Variants in SHC4 observed in about 807,000 individuals in gnomAD.
SHC4 encodes the protein SHC adaptor protein 4.
SHC4 carries 41 observed loss-of-function variants against 69.4 expected under a neutral mutation model. The observed-to-expected ratio is 0.59, with a 90% CI of 0.46 to 0.77. SHC4 has a LOEUF of 0.77. Ranked by LOEUF, SHC4 falls within the 30% of genes least tolerant of loss-of-function variation. The pLI, the probability that SHC4 is intolerant of heterozygous loss-of-function variation, is 0.00. For missense variants in SHC4, 777 were observed against 783.8 expected (o/e 0.99, Z 0.10); for synonymous variants, 318 against 299.3 (o/e 1.06, Z -0.64).
At chr15:48,878,024 A>T in intron 4 of SHC4, 1 of 957,222 alleles carries the variant, frequency 1.0e-6, no homozygotes, top group Non-Finnish European at 1.5e-6. Context: ...TACTCCAACC[A>T]CAGTGGCGCG....
intron 4 of SHC4, among the ~76,000 whole-genome samples, chr15:48,872,476 C>T (rs1300036861): frequency 6.6e-6 from 1 of 152,150 alleles, no homozygotes; most frequent in African/African-American, 2.4e-5. Flanking sequence ...CTCTCTCTGC[C>T]ATTAAAAACT....
At chr15:48,915,540 T>C (rs764442420) in intron 2 of SHC4, among the ~76,000 whole-genome samples, 2 of 152,226 alleles carry the variant, frequency 1.3e-5, no homozygotes, top group Non-Finnish European at 2.9e-5. Flanking sequence ...CTTCCTGACA[T>C]CTGCACGTGT....
intron 1 of SHC4, among the ~76,000 whole-genome samples, chr15:48,932,191 A>G (rs1193923333): frequency 6.6e-6 from 1 of 152,144 alleles, no homozygotes; most frequent in African/African-American, 2.4e-5. Context: ...TCCCCCAATC[A>G]TTCTCACTTA....
intron 2 of SHC4, among the ~76,000 whole-genome samples, chr15:48,898,543 A>G (rs12907348): frequency 0.36 from 55,132 of 152,130 alleles, 11,368 homozygotes; most frequent in Middle Eastern, 0.55. Flanking sequence ...TCTAAAGTAC[A>G]TTTGCTAGCC....
chr15:48,878,034 G>C (rs905173982), intron 4 of SHC4: 1 of 1,059,794 alleles, frequency 9.4e-7, no homozygotes, highest in Non-Finnish European at 1.3e-6. Flanking sequence ...ACAGTGGCGC[G>C]CCAAGTAGGA....
chr15:48,949,807 A>G (rs1901335920), intron 1 of SHC4, among the ~76,000 whole-genome samples: 1 of 146,818 alleles, frequency 6.8e-6, no homozygotes. Flanking sequence ...ATAATTATAT[A>G]TAATTACAAA....
chr15:48,844,435 C>T (rs1053908955), intron 9 of SHC4, among the ~76,000 whole-genome samples: 2 of 152,188 alleles, frequency 1.3e-5, no homozygotes, highest in Admixed American at 1.3e-4. Context: ...TGGGGTCACA[C>T]TGGCCTTCCT....
At chr15:48,867,316 G>A (rs1391324578) in intron 6 of SHC4, among the ~76,000 whole-genome samples, 1 of 152,190 alleles carries the variant, frequency 6.6e-6, no homozygotes, top group African/African-American at 2.4e-5. Context: ...GAGACAGGAG[G>A]TGCTATCAAA....
chr15:48,839,310 A>G (rs1487553918), intron 10 of SHC4, among the ~76,000 whole-genome samples: 1 of 152,236 alleles, frequency 6.6e-6, no homozygotes, highest in African/African-American at 2.4e-5. Context: ...CTTCTAGTCC[A>G]TGGCTTTTGG....
In SHC4 at chr15:48,907,566, C is replaced by T. The variant is rs1489455248; in HGVS notation, c.657-16755G>A. Among the ~76,000 whole-genome samples the T allele has an allele frequency of 2.0e-5, 3 of 151,932 alleles. No homozygotes were observed. In the East Asian group the frequency reaches 5.8e-4, roughly 29 times the overall value. On this transcript the variant is annotated intron_variant, in intron 2 of 11. Coordinates refer to ENST00000332408, the MANE Select transcript of SHC4 (RefSeq NM_203349.4). ...GTCTTCTATCTCTCATCCCCTCCCT[C>T]CCTTCCCCCCGATTCCCCAAAGTCC... is the stretch of plus-strand genomic sequence containing the variant.
intron 3 of SHC4, among the ~76,000 whole-genome samples, chr15:48,884,880 A>C (rs1900006326): frequency 6.6e-6 from 1 of 152,186 alleles, no homozygotes. Context: ...ACCTTCAGAT[A>C]ATCATGATGC....
chr15:48,843,605 T>C lies in SHC4; in HGVS notation c.1304-17A>G. 1.3e-6 allele frequency: 2 copies of C among 1,587,878 alleles called. No individual in the cohort carries two copies. The highest frequency in any genetic ancestry group is 1.7e-6 in the Non-Finnish European group (2 of 1,164,406). On this transcript the variant is annotated splice_polypyrimidine_tract_variant and intron_variant, in intron 9 of 11. Coordinates refer to ENST00000332408, the MANE Select transcript of SHC4 (RefSeq NM_203349.4). ...GGACATTACCTGTAGTGATTAGTAG[T>C]GATCAATACATTATGTTTTTTCTTT...
chr15:48,942,918 G>A (rs1411520274), intron 1 of SHC4, among the ~76,000 whole-genome samples: 2 of 152,184 alleles, frequency 1.3e-5, no homozygotes, highest in African/African-American at 4.8e-5. Flanking sequence ...TGGAAACCAA[G>A]TGTAGGTGAT....
chr15:48,878,964 T>C (rs1307639556), intron 4 of SHC4: 2 of 466,464 alleles, frequency 4.3e-6, no homozygotes, highest in Non-Finnish European at 7.9e-6. Context: ...AAATCAATTA[T>C]CAAGAACGTC....
intron 4 of SHC4, among the ~76,000 whole-genome samples, 158 bp downstream of exon 4, chr15:48,884,090 G>T (rs1442185451): frequency 6.6e-6 from 1 of 152,192 alleles, no homozygotes; most frequent in Non-Finnish European, 1.5e-5. Flanking sequence ...TAATGCTGTT[G>T]TTCTAATGAT....
intron 1 of SHC4, among the ~76,000 whole-genome samples, chr15:48,930,051 G>A (rs1433258487): frequency 6.6e-6 from 1 of 152,126 alleles, no homozygotes; most frequent in Non-Finnish European, 1.5e-5. Flanking sequence ...AGTTACTTAT[G>A]GGAAGTCTCA....
rs567890090 is a variant in SHC4 at position 48,923,830 on chromosome 15, G to A, written c.656+1049C>T. Among the ~76,000 whole-genome samples the A allele has an allele frequency of 5.3e-5, 8 of 151,820 alleles. No homozygotes were observed. The South Asian group carries it at 1.0e-3, about 20-fold the overall frequency. ...ATGTTCTTTTTACTTTTGTAGAGAT[G>A]GAGTCTCACTATGTTGCCCTGGCTG... On this transcript the variant is annotated intron_variant, in intron 2 of 11. Coordinates refer to ENST00000332408, the MANE Select transcript of SHC4 (RefSeq NM_203349.4).
intron 11 of SHC4, among the ~76,000 whole-genome samples, chr15:48,832,474 T>C (rs936109706): frequency 1.3e-5 from 2 of 152,202 alleles, no homozygotes; most frequent in African/African-American, 4.8e-5. Flanking sequence ...ATTCTCTGTT[T>C]TTGACATTTT....
Position 48,824,545 on chromosome 15 carries a change from G to A in SHC4, c.*1426C>T, listed in dbSNP as rs1214394938. The stretch of plus-strand genomic sequence containing the variant: ...AAAGTTTCAGTATTTTAGACTGAAT[G>A]GTTTGGAGTCTAAACTATGTGAATG... On this transcript the variant is annotated 3_prime_UTR_variant, in exon 12 of 12. Coordinates refer to ENST00000332408, the MANE Select transcript of SHC4 (RefSeq NM_203349.4). 1 of 152,110 alleles carries A rather than the reference G, an allele frequency of 6.6e-6. No homozygotes were observed. Among genetic ancestry groups the A allele is most frequent in the Non-Finnish European group, 1.5e-5 (1 of 68,016 alleles). 9.4% of individuals were successfully genotyped at this position (152,110 alleles called of 1,614,324 possible). A position where few individuals can be genotyped will look rare whatever the true frequency, so the allele number is the denominator to read the frequency against.
Sources: gnomAD v4.1 joint callset for allele counts (sites outside exome capture counted in the v4.1 genomes callset) on GRCh38, gnomAD v4.1.1 for gene constraint, MANE v1.5 for transcripts, NCBI Gene and HGNC (gene_info 2026-07-23, HGNC 2026-07-21) for gene names.